FGD4: variants seen among roughly 807,000 people sequenced by gnomAD.
The protein encoded by FGD4 is FYVE, RhoGEF and PH domain containing 4.
In FGD4, 42 loss-of-function variants were observed where a neutral mutation model predicts 102.0. The ratio of observed to expected loss-of-function variants is 0.41; its 90% CI spans 0.32 to 0.53. The LOEUF (loss-of-function observed/expected upper bound fraction) is 0.53. Among genes scored for constraint, FGD4 ranks in the 20% least tolerant of loss-of-function variants. FGD4 has a pLI of 0.21. For synonymous variants in FGD4, 380 were observed against 375.7 expected (o/e 1.01, Z -0.13); for missense variants, 902 against 1,078.2 (o/e 0.84, Z 2.29).
intron 1 of FGD4, among the ~76,000 whole-genome samples, chr12:32,474,466 C>G (rs1369046266): frequency 6.6e-6 from 1 of 152,146 alleles, no homozygotes; most frequent in Non-Finnish European, 1.5e-5. Context: ...TAAAAATGTA[C>G]TAAGTGAAAG....
At chr12:32,543,798 T>C (rs1456851444) in intron 1 of FGD4, among the ~76,000 whole-genome samples, 3 of 152,078 alleles carry the variant, frequency 2.0e-5, no homozygotes, top group Non-Finnish European at 4.4e-5. Flanking sequence ...AGCTAATTTT[T>C]TTGTATTTTT....
intron 10 of FGD4, among the ~76,000 whole-genome samples, chr12:32,613,642 G>C (rs1465441260): frequency 1.3e-5 from 2 of 152,102 alleles, no homozygotes; most frequent in African/African-American, 4.8e-5. Flanking sequence ...TGTACTCCTA[G>C]CTACTTGAGA....
intron 1 of FGD4, among the ~76,000 whole-genome samples, chr12:32,450,052 C>T (rs1290941762): frequency 1.3e-5 from 2 of 152,162 alleles, no homozygotes; most frequent in East Asian, 3.9e-4. Context: ...TTTGCCTCAG[C>T]CTCCCAAGTA....
rs930772839 is a variant in FGD4 at position 32,480,133 on chromosome 12, A to G, written c.166+80174A>G. On this transcript the variant is annotated intron_variant, in intron 1 of 16. Coordinates refer to ENST00000534526, the MANE Select transcript of FGD4 (RefSeq NM_001370298.3). ...CAGCATATTCTGCTTATTTGCCCCAAATGGATATGTTTGTTTGTGGGGGTT... is the reference window on the plus strand; with the variant it reads ...CAGCATATTCTGCTTATTTGCCCCAGATGGATATGTTTGTTTGTGGGGGTT... Among the ~76,000 whole-genome samples the G allele has an allele frequency of 2.0e-5, 3 of 150,914 alleles. No individual in the cohort carries two copies. The South Asian group carries it at 6.3e-4, about 32-fold the overall frequency.
intron 1 of FGD4, among the ~76,000 whole-genome samples, chr12:32,533,679 C>T (rs1941999625): frequency 6.6e-6 from 1 of 152,206 alleles, no homozygotes; most frequent in Non-Finnish European, 1.5e-5. Context: ...CCCACCTCGG[C>T]GTGCCAAAGT....
chr12:32,473,452 A>C (rs995192018), intron 1 of FGD4, among the ~76,000 whole-genome samples: 1 of 152,024 alleles, frequency 6.6e-6, no homozygotes, highest in African/African-American at 2.4e-5. Flanking sequence ...TAAAAGCTGT[A>C]ACACTCACCG....
chr12:32,589,852 T>TC (rs57156978), intron 4 of FGD4, among the ~76,000 whole-genome samples: 64,759 of 151,826 alleles, frequency 0.43, 15,465 homozygotes, highest in African/African-American at 0.65. Context: ...CTCTCACTCA[T>TC]TGTTCTCCCC....
At position 32,601,350 on chromosome 12, in the gene FGD4, T is replaced by C. The variant is rs1481869150; in HGVS notation, c.1174T>C (p.Ser392Pro). 1.2e-6 allele frequency: 2 copies of C among 1,614,156 alleles called. No homozygotes were observed. The highest frequency in any genetic ancestry group is 1.7e-5 in the Admixed American group (1 of 60,026). The change falls in exon 6 of 17, where the codon TCT becomes CCT. Residue 392 changes from serine (S) to proline (P), a missense_variant. By Grantham distance (74) the Ser-to-Pro change is moderately conservative (BLOSUM62 -1). Coordinates refer to ENST00000534526, the MANE Select transcript of FGD4 (RefSeq NM_001370298.3). ...FPAEMVNKIF[S>P]NISSINAFHS... The stretch of plus-strand genomic sequence containing the variant: ...AGCAGAGATGGTGAATAAAATCTTT[T>C]CTAATATTTCATCAATAAATGCCTT...
Position 32,642,560 on chromosome 12 carries a change from T to G in FGD4, c.*2027T>G, listed in dbSNP as rs1195507817. On this transcript the variant is annotated 3_prime_UTR_variant, in exon 17 of 17. Transcript: ENST00000534526. ...TTTCCCTACCAAAACAGAAGTAACA[T>G]GGACACACTTAAGTTTTGGCTCAAT... is the stretch of plus-strand genomic sequence containing the variant. 6.6e-6 allele frequency: 1 copy of G among 152,108 alleles called. No individual in the cohort carries two copies. The highest frequency in any genetic ancestry group is 2.1e-4 in the South Asian group (1 of 4,830). The allele number at this position is 152,108 out of a possible 1,614,324, so 9.4% of individuals were successfully genotyped here.
intron 1 of FGD4, among the ~76,000 whole-genome samples, chr12:32,442,932 A>G (rs150317044): frequency 0.011 from 1,661 of 152,260 alleles, 13 homozygotes; most frequent in Non-Finnish European, 0.016. Context: ...TGTTTCTCTG[A>G]TTAATGATGT....
chr12:32,522,743 C>T (rs988784069), intron 1 of FGD4, among the ~76,000 whole-genome samples: 1 of 151,318 alleles, frequency 6.6e-6, no homozygotes, highest in African/African-American at 2.4e-5. Flanking sequence ...GTTTAGGAAC[C>T]ATATTTTGAA....
intron 1 of FGD4, among the ~76,000 whole-genome samples, chr12:32,464,974 C>T (rs573191047): frequency 2.0e-5 from 3 of 152,158 alleles, no homozygotes; most frequent in South Asian, 4.2e-4. Flanking sequence ...CCTACAACTC[C>T]AGTTTGTGAT....
In FGD4 at chr12:32,415,829, T is replaced by A. The variant is rs1325514457; in HGVS notation, c.166+15870T>A. On this transcript the variant is annotated intron_variant, in intron 1 of 16. Coordinates refer to ENST00000534526, the MANE Select transcript of FGD4 (RefSeq NM_001370298.3). ...GACGTTATATGTGTTTTCTTACAGT[T>A]TTTCTCTTGAAACCTATTTCATCTG... 3.9e-5 allele frequency among the ~76,000 whole-genome samples: 6 copies of A among 152,228 alleles called. No homozygotes were observed. In the East Asian group the frequency reaches 1.2e-3, roughly 29 times the overall value.
intron 2 of FGD4, 142 bp from the exon 3 acceptor site, chr12:32,576,124 T>C (rs1946107287): frequency 1.3e-6 from 1 of 777,120 alleles, no homozygotes; most frequent in East Asian, 2.7e-5. Flanking sequence ...GTCTTTTGGT[T>C]ATGGTTTAGT....
At chr12:32,527,994 T>C (rs1429981227) in intron 1 of FGD4, among the ~76,000 whole-genome samples, 1 of 152,182 alleles carries the variant, frequency 6.6e-6, no homozygotes, top group Non-Finnish European at 1.5e-5. Context: ...GGTGACAGTC[T>C]TGCTCTGTCA....
intron 1 of FGD4, among the ~76,000 whole-genome samples, chr12:32,531,087 G>A (rs1941769990): frequency 6.6e-6 from 1 of 151,110 alleles, no homozygotes. Flanking sequence ...AAGTAGCTGG[G>A]ACTACAGGCG....
At chr12:32,615,951 C>G (rs185468210) in intron 10 of FGD4, among the ~76,000 whole-genome samples, 3 of 152,032 alleles carry the variant, frequency 2.0e-5, no homozygotes, top group African/African-American at 2.4e-5. Flanking sequence ...ACATGAAAGG[C>G]GTGTTACTCT....
At chr12:32,610,182 CA>C (rs1949052852) in intron 8 of FGD4, among the ~76,000 whole-genome samples, 1 of 152,208 alleles carries the variant, frequency 6.6e-6, no homozygotes, top group South Asian at 2.1e-4. Context: ...TCTGGCCCTT[CA>C]ATAGCATAGC....
rs575575303 is a variant in FGD4 at position 32,581,938 on chromosome 12, T to C, written c.504-22T>C. 1.3e-5 allele frequency: 21 copies of C among 1,613,462 alleles called. No homozygotes were observed. The South Asian group carries it at 2.3e-4, about 18-fold the overall frequency. ...TTTTCCATACCAATGTTTTCATGCT[T>C]CCTTTGTATTTTATCTTTTAGCTCA... On this transcript the variant is annotated intron_variant, in intron 3 of 16. Transcript: ENST00000534526.
Sources: allele counts gnomAD v4.1 joint callset (sites outside exome capture counted in the v4.1 genomes callset), GRCh38; gene constraint gnomAD v4.1.1; transcripts MANE v1.5; gene names NCBI Gene and HGNC (gene_info 2026-07-23, HGNC 2026-07-21).